Variants in TRAPPC10 observed in about 807,000 individuals in gnomAD.
The protein encoded by TRAPPC10 is trafficking protein particle complex subunit 10, also known as TRAPP 130 kDa subunit.
In TRAPPC10, 23 loss-of-function variants were observed where a neutral mutation model predicts 125.5. The observed-to-expected ratio is 0.18, with a 90% CI of 0.13 to 0.26. TRAPPC10 has a LOEUF of 0.26. Among genes scored for constraint, TRAPPC10 ranks in the 10% least tolerant of loss-of-function variants. TRAPPC10 has a pLI of 1.00. For synonymous variants in TRAPPC10, 509 were observed against 518.0 expected (o/e 0.98, Z 0.24); for missense variants, 1,123 against 1,308.4 (o/e 0.86, Z 2.19).
chr21:44,056,332 C>T (rs559970149), intron 5 of TRAPPC10, among the ~76,000 whole-genome samples: 1 of 152,070 alleles, frequency 6.6e-6, no homozygotes, highest in African/African-American at 2.4e-5. Context: ...AGTGCTCCAG[C>T]AAGAACTGTT....
intron 5 of TRAPPC10, 97 bp downstream of exon 5, chr21:44,055,990 G>A (rs1018986803): frequency 2.7e-5 from 30 of 1,116,366 alleles, no homozygotes; most frequent in Non-Finnish European, 3.2e-5. Flanking sequence ...GGCACCTCTC[G>A]TGGTAATCTC....
chr21:44,038,002 AG>A (rs1254611896), intron 3 of TRAPPC10, 75 bp downstream of exon 3: 1 of 1,555,164 alleles, frequency 6.4e-7, no homozygotes, highest in Non-Finnish European at 8.7e-7. Context: ...TGTGAGTACC[AG>A]TGGGGGAAGA....
At chr21:44,035,333 C>A (rs1350890331) in intron 2 of TRAPPC10, among the ~76,000 whole-genome samples, 1 of 152,178 alleles carries the variant, frequency 6.6e-6, no homozygotes, top group Non-Finnish European at 1.5e-5. Context: ...GCCTCCAGAA[C>A]TGTGAGCGCA....
At chr21:44,084,838 A>G (rs964402936) in intron 15 of TRAPPC10, among the ~76,000 whole-genome samples, 2 of 152,216 alleles carry the variant, frequency 1.3e-5, no homozygotes, top group African/African-American at 4.8e-5. Context: ...AATTTGTTAG[A>G]ACAGCTCACA....
intron 1 of TRAPPC10, among the ~76,000 whole-genome samples, chr21:44,019,392 C>T (rs1259856750): frequency 2.0e-5 from 3 of 152,166 alleles, no homozygotes; most frequent in Non-Finnish European, 2.9e-5. Context: ...CACCTCAGTG[C>T]CTGCCTCTGT....
At position 44,047,074 on chromosome 21, in the gene TRAPPC10, C is replaced by T. The variant is rs909333082; in HGVS notation, c.286-5206C>T. 5.9e-6 allele frequency: 4 copies of T among 681,908 alleles called. No homozygotes were observed. The Admixed American group carries it at 7.3e-5, about 12-fold the overall frequency. The allele number at this position is 681,908 out of a possible 1,614,324, so 42.2% of individuals were successfully genotyped here. On this transcript the variant is annotated intron_variant, in intron 3 of 22. Coordinates refer to ENST00000291574, the MANE Select transcript of TRAPPC10 (RefSeq NM_003274.5). ...TCTGCTGAAGCTCAAGCAAGCAAGG[C>T]AGAGAAAGGGCTAATCAGACCCATG...
intron 7 of TRAPPC10, among the ~76,000 whole-genome samples, chr21:44,068,444 G>A (rs961554183): frequency 5.9e-5 from 9 of 152,098 alleles, no homozygotes; most frequent in Admixed American, 2.0e-4. Context: ...TGTGTGTCAC[G>A]TTGAAGCTTG....
chr21:44,085,843 A>G (rs1274695680), intron 15 of TRAPPC10, among the ~76,000 whole-genome samples: 1 of 152,264 alleles, frequency 6.6e-6, no homozygotes, highest in Non-Finnish European at 1.5e-5. Flanking sequence ...AAATGATTGA[A>G]GAACATGTGG....
chr21:44,034,620 G>C (rs1191868475), intron 2 of TRAPPC10, among the ~76,000 whole-genome samples: 2 of 152,176 alleles, frequency 1.3e-5, no homozygotes, highest in Non-Finnish European at 2.9e-5. Flanking sequence ...AAAGAAATGT[G>C]TTACCTTAGG....
intron 1 of TRAPPC10, among the ~76,000 whole-genome samples, chr21:44,025,031 G>T (rs764426289): frequency 5.9e-5 from 9 of 152,198 alleles, no homozygotes; most frequent in Non-Finnish European, 2.9e-5. Flanking sequence ...TCGATATTCC[G>T]TGGTTTATTC....
At chr21:44,024,783 A>G (rs889422673) in intron 1 of TRAPPC10, among the ~76,000 whole-genome samples, 2 of 152,186 alleles carry the variant, frequency 1.3e-5, no homozygotes, top group Non-Finnish European at 2.9e-5. Flanking sequence ...AATCTACAAA[A>G]TGAGGTCTAT....
chr21:44,031,094 G>A (rs1318877220), intron 1 of TRAPPC10, among the ~76,000 whole-genome samples: 5 of 152,166 alleles, frequency 3.3e-5, no homozygotes, highest in Admixed American at 2.6e-4. Context: ...CCCACTCACC[G>A]TGCCATCTGC....
At position 44,014,587 on chromosome 21, in the gene TRAPPC10, GTT is replaced by G. The variant is rs1219684030; in HGVS notation, c.67+2031_67+2032del. 6.4e-4 allele frequency among the ~76,000 whole-genome samples: 73 copies of G among 114,766 alleles called. 1 individual carries two copies. The Middle Eastern group carries it at 0.024, about 37-fold the overall frequency. 75.3% of individuals were successfully genotyped at this position (114,766 alleles called of 152,430 possible). A position where few individuals can be genotyped will look rare whatever the true frequency, so the allele number is the denominator to read the frequency against. ...TGCCCGGCTAATTTTTTGTTTGTTT[GTT>G]TTTGTTTTTTTTTTTTTTCAGTAGA... On this transcript the variant is annotated intron_variant, in intron 1 of 22. Coordinates refer to ENST00000291574, the MANE Select transcript of TRAPPC10 (RefSeq NM_003274.5).
rs780416055 is a variant in TRAPPC10 at position 44,087,851 on chromosome 21, C to T, written c.2692C>T (p.Leu898=). 1 of 1,614,228 alleles carries T rather than the reference C, an allele frequency of 6.2e-7. No homozygotes were observed. Among genetic ancestry groups the T allele is most frequent in the Non-Finnish European group, 8.5e-7 (1 of 1,180,030 alleles). The change falls in exon 17 of 23, where the codon CTG becomes TTG. Residue 898 remains leucine (L), a synonymous_variant. Coordinates refer to ENST00000291574, the MANE Select transcript of TRAPPC10 (RefSeq NM_003274.5). The surrounding 1 kb of genome is among the most constrained non-coding windows in gnomAD (Gnocchi z 4.6). ...APALGGESDM[L]GMAEPHRKHK... ...AGCACTCGGAGGGGAGAGTGACATG[C>T]TGGGGATGGCAGAGCCCCACAGGAA...
chr21:44,069,589 A>G (rs1233711152), intron 7 of TRAPPC10, among the ~76,000 whole-genome samples: 1 of 152,154 alleles, frequency 6.6e-6, no homozygotes, highest in African/African-American at 2.4e-5. Context: ...GCTGTTTGCG[A>G]TATCTAATGG....
intron 2 of TRAPPC10, among the ~76,000 whole-genome samples, chr21:44,037,424 C>A (rs2034073362): frequency 1.3e-5 from 2 of 152,178 alleles, no homozygotes; most frequent in African/African-American, 4.8e-5. Flanking sequence ...TAAAACTGCA[C>A]TTTGGACATT....
At chr21:44,050,012 T>C (rs1250411750) in intron 3 of TRAPPC10, among the ~76,000 whole-genome samples, 1 of 152,096 alleles carries the variant, frequency 6.6e-6, no homozygotes, top group Non-Finnish European at 1.5e-5. Context: ...CCTGGGTAGC[T>C]GGGACTACAG....
chr21:44,080,432 T>G (rs1184932380), intron 13 of TRAPPC10, among the ~76,000 whole-genome samples: 1 of 152,234 alleles, frequency 6.6e-6, no homozygotes, highest in Non-Finnish European at 1.5e-5. Flanking sequence ...AAGTATTTTA[T>G]AAATCATTTT....
chr21:44,023,842 G>T (rs7275501), intron 1 of TRAPPC10, among the ~76,000 whole-genome samples: 9,988 of 152,190 alleles, frequency 0.066, 705 homozygotes, highest in African/African-American at 0.16. Context: ...GCAATGGCAC[G>T]ATCTCAGCCC....
Sources: gnomAD v4.1 joint callset for allele counts (sites outside exome capture counted in the v4.1 genomes callset) on GRCh38, gnomAD v4.1.1 for gene constraint, Gnocchi (gnomAD v3.1) non-coding constraint, MANE v1.5 for transcripts, NCBI Gene and HGNC (gene_info 2026-07-23, HGNC 2026-07-21) for gene names.